Variants in ADAM2 observed in about 807,000 individuals in gnomAD.
ADAM2 encodes the protein ADAM metallopeptidase domain 2, also known as disintegrin and metalloproteinase domain-containing protein 2.
Under a neutral mutation model 99.3 loss-of-function variants are expected in ADAM2, and 101 were observed. That is an observed-to-expected ratio of 1.02 (90% CI 0.87 to 1.20). The LOEUF (loss-of-function observed/expected upper bound fraction) is 1.20, where lower values mean the gene tolerates loss of function less well. Among genes scored for constraint, ADAM2 ranks in the 50% most tolerant of loss-of-function variants. The pLI, the probability that ADAM2 is intolerant of heterozygous loss-of-function variation, is 0.00. For synonymous variants in ADAM2, 323 were observed against 287.6 expected (o/e 1.12, Z -1.25); for missense variants, 948 against 878.7 (o/e 1.08, Z -1.00).
At chr8:39,774,996 G>A (rs985776744) in intron 11 of ADAM2, among the ~76,000 whole-genome samples, 1 of 152,056 alleles carries the variant, frequency 6.6e-6, no homozygotes, top group Non-Finnish European at 1.5e-5. Context: ...GTGTAAGGAT[G>A]AAGAAAGAGA....
Position 39,821,130 on chromosome 8 carries a change from G to A in ADAM2, c.385C>T (p.Pro129Ser), listed in dbSNP as rs765710108. 1.9e-6 allele frequency: 3 copies of A among 1,606,940 alleles called. No homozygotes were observed. In the Admixed American group the frequency reaches 5.1e-5, roughly 27 times the overall value. ...QFENVSYGIE[P>S]LESSVGFEHV... ...TCAAAGCCAACTGAAGACTCCAGGG[G>A]TTCTATTCCATAACTAACATTTTCA... Residue 129 changes from proline (P) to serine (S), a missense_variant, in exon 6 of 21, where the codon CCC becomes TCC. Transcript: ENST00000265708.
chr8:39,793,174 C>A (rs1025556851), intron 7 of ADAM2, among the ~76,000 whole-genome samples: 1 of 152,086 alleles, frequency 6.6e-6, no homozygotes, highest in Non-Finnish European at 1.5e-5. Flanking sequence ...TGGACTTTTA[C>A]CCCCACCTTA....
chr8:39,821,454 A>G (rs1563380126), intron 5 of ADAM2, 132 bp downstream of exon 5: 1 of 683,396 alleles, frequency 1.5e-6, no homozygotes. Flanking sequence ...TTTCCATACC[A>G]TGCTTTGTGA....
At chr8:39,761,401 A>G (rs1802365843) in intron 14 of ADAM2, 120 bp from the exon 15 acceptor site, 2 of 497,548 alleles carry the variant, frequency 4.0e-6, no homozygotes, top group East Asian at 6.6e-5. Flanking sequence ...AGATCATACT[A>G]TAACATTCAA....
At chr8:39,781,860 T>C (rs1182409366) in intron 10 of ADAM2, among the ~76,000 whole-genome samples, 1 of 152,170 alleles carries the variant, frequency 6.6e-6, no homozygotes, top group African/African-American at 2.4e-5. Flanking sequence ...GTGGTGTTGG[T>C]GGAAGGACAT....
chr8:39,785,935 G>A lies in ADAM2; in HGVS notation c.891+1039C>T, dbSNP rs138256415. ...CCTAAGTGTCCGTAAATGGTGGATC[G>A]GATAAAGAAAATGTGATACATATAA... On this transcript the variant is annotated intron_variant, in intron 10 of 20. Transcript: ENST00000265708. Among the ~76,000 whole-genome samples the A allele has an allele frequency of 5.1e-3, 782 of 152,118 alleles. 4 individuals carry two copies. The highest frequency in any genetic ancestry group is 0.018 in the African/African-American group (728 of 41,528).
At chr8:39,808,545 T>C (rs1207413760) in intron 7 of ADAM2, among the ~76,000 whole-genome samples, 1 of 152,164 alleles carries the variant, frequency 6.6e-6, no homozygotes, top group Non-Finnish European at 1.5e-5. Context: ...AATATAATCA[T>C]CCTTTTTGCA....
intron 15 of ADAM2, 94 bp from the exon 16 acceptor site, chr8:39,756,005 A>C: frequency 1.4e-6 from 1 of 705,428 alleles, no homozygotes. Flanking sequence ...TAAAGTATTC[A>C]AGGTTTGCAA....
chr8:39,761,300 G>C lies in ADAM2; in HGVS notation c.1508-19C>G. Reference sequence around the variant, plus strand: ...TCTACTTCTGAAAATAAAAAGGTGAGGTTAGTCATATTAAACTTATATTAA... The same window carrying C: ...TCTACTTCTGAAAATAAAAAGGTGACGTTAGTCATATTAAACTTATATTAA... On this transcript the variant is annotated intron_variant, in intron 14 of 20. Transcript: ENST00000265708. 6.9e-7 allele frequency: 1 copy of C among 1,451,056 alleles called. No homozygotes were observed. The highest frequency in any genetic ancestry group is 9.5e-7 in the Non-Finnish European group (1 of 1,056,866). The allele number at this position is 1,451,056 out of a possible 1,614,324, so 89.9% of individuals were successfully genotyped here. A position where few individuals can be genotyped will look rare whatever the true frequency, so the allele number is the denominator to read the frequency against.
intron 11 of ADAM2, among the ~76,000 whole-genome samples, chr8:39,775,216 A>T (rs1246141280): frequency 6.6e-6 from 1 of 152,102 alleles, no homozygotes; most frequent in African/African-American, 2.4e-5. Flanking sequence ...TGTCCTAGGA[A>T]AAAGGCTGGT....
chr8:39,757,850 A>G (rs1200196631), intron 15 of ADAM2, among the ~76,000 whole-genome samples: 1 of 152,214 alleles, frequency 6.6e-6, no homozygotes, highest in Non-Finnish European at 1.5e-5. Flanking sequence ...GTAAAATATA[A>G]CATAGAGGGC....
rs138793867 is a variant in ADAM2 at position 39,830,047 on chromosome 8, G to A, written c.188+3897C>T. Among the ~76,000 whole-genome samples, 480 of 152,246 alleles carry A rather than the reference G, an allele frequency of 3.2e-3. 2 individuals are homozygous for A. The highest frequency in any genetic ancestry group is 0.011 in the African/African-American group (466 of 41,558). The stretch of plus-strand genomic sequence containing the variant: ...AATGAAAAACAGCACAACTTCTTGA[G>A]TGCAGTCAATATATGTGTAAAGTCA... On this transcript the variant is annotated intron_variant, in intron 3 of 20. Transcript: ENST00000265708.
Position 39,821,510 on chromosome 8 carries a change from A to G in ADAM2, c.344+76T>C, listed in dbSNP as rs1805186918. ...TCATGCCACACTTTAGAACCACTGA[A>G]TATTATGTTAAAATGTTTAAAATAA... is the stretch of plus-strand genomic sequence containing the variant. On this transcript the variant is annotated intron_variant, in intron 5 of 20. Transcript: ENST00000265708. The G allele has an allele frequency of 4.3e-6, 5 of 1,163,252 alleles. No individual in the cohort carries two copies. In the South Asian group the frequency reaches 7.0e-5, roughly 16 times the overall value. 72.1% of individuals were successfully genotyped at this position (1,163,252 alleles called of 1,614,324 possible).
intron 4 of ADAM2, among the ~76,000 whole-genome samples, chr8:39,823,924 T>C (rs527928017): frequency 2.6e-5 from 4 of 152,234 alleles, no homozygotes; most frequent in Admixed American, 1.3e-4. Context: ...AGTCGCTATA[T>C]AGAAATCAAG....
At chr8:39,820,474 C>A (rs913346503) in intron 6 of ADAM2, among the ~76,000 whole-genome samples, 1 of 152,072 alleles carries the variant, frequency 6.6e-6, no homozygotes, top group African/African-American at 2.4e-5. Flanking sequence ...TAGAGAAGAA[C>A]CCTAATGAAG....
chr8:39,790,340 A>T (rs1177296791), intron 7 of ADAM2, among the ~76,000 whole-genome samples: 1 of 152,010 alleles, frequency 6.6e-6, no homozygotes, highest in Non-Finnish European at 1.5e-5. Context: ...GCTATTTTAC[A>T]GTAAGAAGAA....
rs117174242 is a variant in ADAM2, at chr8:39,776,335, C to T, written c.1028+690G>A. 4.2e-3 allele frequency among the ~76,000 whole-genome samples: 637 copies of T among 152,096 alleles called. 3 individuals carry two copies. Among genetic ancestry groups the T allele is most frequent in the Non-Finnish European group, 6.0e-3 (407 of 67,992 alleles). ...ACAAATATTTTAGGGAGCAGCAGTG[C>T]GGGAATGGAGACAGTGAGATGTTTC... is the stretch of plus-strand genomic sequence containing the variant. On this transcript the variant is annotated intron_variant, in intron 11 of 20. Transcript: ENST00000265708.
At chr8:39,785,693 G>A (rs1586096767) in intron 10 of ADAM2, among the ~76,000 whole-genome samples, 2 of 151,820 alleles carry the variant, frequency 1.3e-5, no homozygotes, top group Middle Eastern at 6.8e-3. Flanking sequence ...CTACTTGGGA[G>A]ACTGAGGCTG....
chr8:39,796,656 C>G (rs1803967404), intron 7 of ADAM2, among the ~76,000 whole-genome samples: 1 of 152,166 alleles, frequency 6.6e-6, no homozygotes, highest in Non-Finnish European at 1.5e-5. Context: ...ACATTCCCAC[C>G]AATAGTGTAA....
Sources: allele counts gnomAD v4.1 joint callset (sites outside exome capture counted in the v4.1 genomes callset), GRCh38; gene constraint gnomAD v4.1.1; transcripts MANE v1.5; gene names NCBI Gene and HGNC (gene_info 2026-07-23, HGNC 2026-07-21).